CCDC93: variants seen among roughly 807,000 people sequenced by gnomAD.
CCDC93 encodes coiled-coil domain-containing protein 93.
In CCDC93, 61 loss-of-function variants were observed where a neutral mutation model predicts 108.2. The ratio of observed to expected loss-of-function variants is 0.56; its 90% confidence interval spans 0.46 to 0.70. The LOEUF is 0.70. Ranked by LOEUF, CCDC93 falls within the 30% of genes least tolerant of loss-of-function variation. The probability of loss-of-function intolerance (pLI) is 0.00; values close to 1 mark genes in which losing one functional copy is unlikely to be tolerated. For missense variants in CCDC93, 685 were observed against 764.2 expected, an observed-to-expected ratio of 0.90 and a Z score of 1.22; for synonymous variants, 276 against 260.4, an observed-to-expected ratio of 1.06 and a Z score of -0.58.
intron 1 of CCDC93, among the ~76,000 whole-genome samples, chr2:118,010,758 CT>C (rs1677002030): frequency 6.6e-6 from 1 of 152,212 alleles, no homozygotes; most frequent in Non-Finnish European, 1.5e-5. Flanking sequence ...ACCAAACTAT[CT>C]TTTCAGGTTC....
At chr2:117,986,767 T>C (rs1238447897) in intron 6 of CCDC93, among the ~76,000 whole-genome samples, 1 of 152,104 alleles carries the variant, frequency 6.6e-6, no homozygotes, top group Non-Finnish European at 1.5e-5. Context: ...GATCAGGGCC[T>C]GAGATGATGC....
intron 13 of CCDC93, chr2:117,950,981 T>C (rs1679037267): frequency 1.0e-6 from 1 of 985,406 alleles, no homozygotes; most frequent in Non-Finnish European, 1.2e-6. Flanking sequence ...AGGATAGTCT[T>C]ATTACTGACT....
At chr2:117,977,441 C>T (rs1328670465) in intron 8 of CCDC93, among the ~76,000 whole-genome samples, 1 of 152,200 alleles carries the variant, frequency 6.6e-6, no homozygotes, top group East Asian at 1.9e-4. Flanking sequence ...GCCTGGAACA[C>T]AGAAAGAGTT....
At chr2:117,954,862 A>T (rs950808127) in intron 12 of CCDC93, among the ~76,000 whole-genome samples, 6 of 152,262 alleles carry the variant, frequency 3.9e-5, no homozygotes, top group Admixed American at 3.9e-4. Flanking sequence ...AGGAGAACTG[A>T]TGGTTTTATA....
intron 21 of CCDC93, among the ~76,000 whole-genome samples, chr2:117,936,244 T>C (rs1328772270): frequency 6.6e-6 from 1 of 152,116 alleles, no homozygotes; most frequent in African/African-American, 2.4e-5. Flanking sequence ...CAAATGGACA[T>C]GCTTGAGGGC....
At chr2:117,981,911 C>T (rs1454574261) in intron 7 of CCDC93, among the ~76,000 whole-genome samples, 1 of 152,044 alleles carries the variant, frequency 6.6e-6, no homozygotes, top group East Asian at 1.9e-4. Context: ...AGATGGTTAT[C>T]TATTTGGAAT....
chr2:117,939,597 GA>G (rs921759692), intron 19 of CCDC93, among the ~76,000 whole-genome samples: 1 of 152,180 alleles, frequency 6.6e-6, no homozygotes, highest in Non-Finnish European at 1.5e-5. Flanking sequence ...AAAGTAAAGG[GA>G]AAGATTTAAC....
chr2:117,938,909 A>C (rs1212410859), intron 20 of CCDC93, 120 bp downstream of exon 20: 2 of 592,934 alleles, frequency 3.4e-6, no homozygotes, highest in African/African-American at 3.8e-5. Context: ...TAGCATATAA[A>C]ATAGGCACTC....
chr2:117,920,417 A>G (rs1286430914), intron 23 of CCDC93, 21 bp from the exon 24 acceptor site: 3 of 1,598,408 alleles, frequency 1.9e-6, no homozygotes, highest in Non-Finnish European at 2.6e-6. Flanking sequence ...AGCAGAGAGT[A>G]TAGAGAGAGT....
In CCDC93 at chr2:118,014,062, C is replaced by A; in HGVS notation, c.-67G>T. The A allele has an allele frequency of 1.3e-6, 2 of 1,562,174 alleles. No homozygotes were observed. The highest frequency in any genetic ancestry group is 1.4e-5 in the African/African-American group (1 of 73,858). On this transcript the variant is annotated 5_prime_UTR_variant, in exon 1 of 24. Coordinates refer to ENST00000376300, the MANE Select transcript of CCDC93 (RefSeq NM_019044.5). ...AGCGTCCGGAGGAAGCTGTCCCTGC[C>A]GCGGAGCTGCTACCGGGGTGGAGTA...
rs1403093251 is a variant in CCDC93 at position 117,990,429 on chromosome 2, C to T, written c.520-4360G>A. Among the ~76,000 whole-genome samples the T allele has an allele frequency of 2.6e-5, 4 of 152,122 alleles. No individual in the cohort carries two copies. In the East Asian group the frequency reaches 7.7e-4, roughly 29 times the overall value. ...TCTCCTGAAGGAAGAAAAATAAAGC[C>T]AAGACAAAAACAGAACACGCCCATC... On this transcript the variant is annotated intron_variant, in intron 6 of 23. Transcript: ENST00000376300.
rs1679085355 is a variant in CCDC93 at position 117,952,405 on chromosome 2, T to C, written c.1036A>G (p.Arg346Gly). The C allele has an allele frequency of 6.2e-7, 1 of 1,613,572 alleles. No homozygotes were observed. The highest frequency in any genetic ancestry group is 1.1e-5 in the South Asian group (1 of 91,078). ...LRASHTSLQA[R>G]YNEAKKTLTE... is the part of the protein sequence containing the mutation. ...AGCGTTTTCTTGGCTTCATTATATC[T>C]GGCTTGTAGGCTGGTGTGACTTGCT... The change falls in exon 13 of 24, where the codon AGA (arginine) becomes GGA (glycine). Residue 346 changes from arginine (R) to glycine (G), a missense_variant. Coordinates refer to ENST00000376300, the MANE Select transcript of CCDC93 (RefSeq NM_019044.5).
intron 15 of CCDC93, 46 bp from the exon 16 acceptor site, chr2:117,946,928 T>C: frequency 1.6e-6 from 2 of 1,273,452 alleles, no homozygotes; most frequent in Non-Finnish European, 2.3e-6. Flanking sequence ...CAAGGAGTAA[T>C]TAGACGCAAT....
chr2:117,943,994 T>G (rs1369461468), intron 18 of CCDC93, 30 bp downstream of exon 18: 1 of 1,477,176 alleles, frequency 6.8e-7, no homozygotes, highest in African/African-American at 1.4e-5. Flanking sequence ...TAGAAGCATT[T>G]ATGCATATTT....
chr2:118,006,594 G>T, intron 3 of CCDC93, 128 bp downstream of exon 3: 1 of 681,496 alleles, frequency 1.5e-6, no homozygotes, highest in South Asian at 1.6e-5. Flanking sequence ...GTAAGGCAGG[G>T]ATAATACCTC....
chr2:117,989,646 T>C (rs1295972471), intron 6 of CCDC93, among the ~76,000 whole-genome samples: 1 of 152,228 alleles, frequency 6.6e-6, no homozygotes, highest in African/African-American at 2.4e-5. Flanking sequence ...TTGCTTACTA[T>C]ACCTCTCTGA....
Position 117,936,207 on chromosome 2 carries a change from T to G in CCDC93, c.1643+495A>C, listed in dbSNP as rs1678521148. Among the ~76,000 whole-genome samples, 3 of 152,208 alleles carry G rather than the reference T, an allele frequency of 2.0e-5. No homozygotes were observed. The South Asian group carries it at 6.2e-4, about 32-fold the overall frequency. On this transcript the variant is annotated intron_variant, in intron 21 of 23. Transcript: ENST00000376300. The stretch of plus-strand genomic sequence containing the variant: ...GGAAGCATGCTCTCCAAGGAGCAAG[T>G]CCTGGGGCTGCTGGATGGTGGGTGG...
chr2:117,927,872 A>G (rs1304838023), intron 23 of CCDC93, among the ~76,000 whole-genome samples: 1 of 152,226 alleles, frequency 6.6e-6, no homozygotes, highest in African/African-American at 2.4e-5. Flanking sequence ...CTACAAGGCT[A>G]CAGTAACCAA....
chr2:117,994,605 A>C (rs1680586952), intron 6 of CCDC93, among the ~76,000 whole-genome samples: 1 of 152,196 alleles, frequency 6.6e-6, no homozygotes, highest in African/African-American at 2.4e-5. Context: ...CTCTGTAGGC[A>C]GTTCACAAAG....
Sources: gnomAD v4.1 joint callset for allele counts (sites outside exome capture counted in the v4.1 genomes callset) on GRCh38, gnomAD v4.1.1 for gene constraint, MANE v1.5 for transcripts, NCBI Gene and HGNC (gene_info 2026-07-23, HGNC 2026-07-21) for gene names.